The following PRLR variants were observed in gnomAD, a reference collection of about 807,000 sequenced individuals.
PRLR encodes hPRL receptor.
Under a neutral mutation model 40.2 loss-of-function variants are expected in PRLR, and 13 were observed. That is an observed-to-expected ratio of 0.32 (90% CI 0.21 to 0.51). The LOEUF (loss-of-function observed/expected upper bound fraction) is 0.51, where lower values mean the gene tolerates loss of function less well. PRLR is among the 20% of genes least tolerant of loss of function. The pLI is 0.97. For missense variants in PRLR, 656 were observed against 747.3 expected (o/e 0.88, Z 1.42); for synonymous variants, 269 against 278.7 (o/e 0.97, Z 0.35).
At chr5:35,227,640 C>A (rs909407021) in intron 1 of PRLR, among the ~76,000 whole-genome samples, 2 of 152,186 alleles carry the variant, frequency 1.3e-5, no homozygotes, top group African/African-American at 4.8e-5. Flanking sequence ...TATCCAATTT[C>A]CTTTTAAGTT....
intron 8 of PRLR, chr5:35,049,514 A>G: frequency 1.6e-6 from 1 of 623,346 alleles, no homozygotes; most frequent in Non-Finnish European, 2.8e-6. Context: ...GGATTACCAT[A>G]ACATAATATG....
intron 1 of PRLR, among the ~76,000 whole-genome samples, chr5:35,226,886 G>GTCA (rs1223801987): frequency 6.6e-6 from 1 of 152,222 alleles, no homozygotes; most frequent in Admixed American, 6.5e-5. Context: ...TCCCCACTGT[G>GTCA]TCATCAAGTG....
At chr5:35,171,299 G>C (rs1561346573) in intron 1 of PRLR, among the ~76,000 whole-genome samples, 1 of 149,880 alleles carries the variant, frequency 6.7e-6, no homozygotes, top group Non-Finnish European at 1.5e-5. Context: ...TCATCTGAGA[G>C]GTTTTTGGAT....
chr5:35,203,300 C>T (rs922761264), intron 1 of PRLR, among the ~76,000 whole-genome samples: 9 of 152,158 alleles, frequency 5.9e-5, no homozygotes, highest in Non-Finnish European at 1.3e-4. Context: ...GGCTAAACTC[C>T]TTTAGGTACC....
chr5:35,108,339 C>T (rs1772413803), intron 2 of PRLR, among the ~76,000 whole-genome samples: 1 of 152,288 alleles, frequency 6.6e-6, no homozygotes, highest in African/African-American at 2.4e-5. Context: ...TCTCTCACCA[C>T]TCCTATTCAA....
At chr5:35,201,959 C>T (rs780880593) in intron 1 of PRLR, among the ~76,000 whole-genome samples, 5 of 152,140 alleles carry the variant, frequency 3.3e-5, no homozygotes, top group East Asian at 3.8e-4. Context: ...CCAATACCAA[C>T]GTAAGTAGAA....
intron 2 of PRLR, among the ~76,000 whole-genome samples, chr5:35,090,724 C>T (rs763046905): frequency 3.4e-5 from 5 of 145,870 alleles, no homozygotes; most frequent in South Asian, 2.2e-4. Context: ...CCTTGTGGGA[C>T]GTACTCAGAC....
intron 1 of PRLR, among the ~76,000 whole-genome samples, chr5:35,138,893 T>G (rs1461138657): frequency 6.6e-6 from 1 of 152,174 alleles, no homozygotes; most frequent in African/African-American, 2.4e-5. Flanking sequence ...TGCCCAAAAT[T>G]ATAAGATGTA....
chr5:35,068,172 C>A, intron 9 of PRLR, 44 bp downstream of exon 9: 1 of 1,503,924 alleles, frequency 6.6e-7, no homozygotes, highest in Non-Finnish European at 9.3e-7. Context: ...TTAATTACTA[C>A]AGAGCAGTGA....
chr5:35,057,404 T>C lies in PRLR; in HGVS notation c.*7685A>G, dbSNP rs1290365958. ...TTCAAATAAAAAAATAGAGCAAGAG[T>C]AGGTAAGGGAATTAAACATTTATTA... On this transcript the variant is annotated 3_prime_UTR_variant, in exon 10 of 10. Coordinates refer to ENST00000618457, the MANE Select transcript of PRLR (RefSeq NM_000949.7). 1 of 151,894 alleles carries C rather than the reference T, an allele frequency of 6.6e-6. No individual in the cohort carries two copies. Among genetic ancestry groups the C allele is most frequent in the Non-Finnish European group, 1.5e-5 (1 of 67,940 alleles). 9.4% of individuals were successfully genotyped at this position (151,894 alleles called of 1,614,324 possible).
chr5:35,159,608 G>A (rs1774615345), intron 1 of PRLR, among the ~76,000 whole-genome samples: 1 of 152,172 alleles, frequency 6.6e-6, no homozygotes, highest in African/African-American at 2.4e-5. Flanking sequence ...CAGAGCTCAG[G>A]CAGACCCAAG....
At chr5:35,171,875 C>A (rs1437226466) in intron 1 of PRLR, among the ~76,000 whole-genome samples, 1 of 152,078 alleles carries the variant, frequency 6.6e-6, no homozygotes, top group East Asian at 1.9e-4. Flanking sequence ...AGAACCTTTA[C>A]TTTTTGAAAA....
At chr5:35,092,737 A>G (rs934008572) in intron 2 of PRLR, among the ~76,000 whole-genome samples, 7 of 152,170 alleles carry the variant, frequency 4.6e-5, no homozygotes, top group African/African-American at 1.7e-4. Context: ...AGTCAGCCCC[A>G]CACATCCTGG....
At chr5:35,071,141 A>G (rs1291651379) in intron 6 of PRLR, among the ~76,000 whole-genome samples, 2 of 152,202 alleles carry the variant, frequency 1.3e-5, no homozygotes, top group Admixed American at 6.5e-5. Flanking sequence ...CTCTGAATTT[A>G]CCAATTCTTG....
At chr5:35,178,056 C>T (rs1775195054) in intron 1 of PRLR, among the ~76,000 whole-genome samples, 1 of 151,836 alleles carries the variant, frequency 6.6e-6, no homozygotes, top group South Asian at 2.1e-4. Flanking sequence ...TTTGCATTTC[C>T]CTAATTAGTA....
intron 1 of PRLR, among the ~76,000 whole-genome samples, chr5:35,123,735 T>C (rs1487544892): frequency 1.3e-5 from 2 of 152,202 alleles, no homozygotes; most frequent in Non-Finnish European, 2.9e-5. Flanking sequence ...TGAGGTCTTT[T>C]AGAATTTACT....
intron 2 of PRLR, among the ~76,000 whole-genome samples, chr5:35,109,281 C>T (rs1238787145): frequency 6.6e-6 from 1 of 152,172 alleles, no homozygotes; most frequent in African/African-American, 2.4e-5. Context: ...AAAATCTAGG[C>T]AATACCATTC....
intron 1 of PRLR, among the ~76,000 whole-genome samples, chr5:35,211,938 C>A (rs993194974): frequency 6.6e-6 from 1 of 152,190 alleles, no homozygotes; most frequent in African/African-American, 2.4e-5. Flanking sequence ...CAGCCACATT[C>A]ATTCACCTAT....
At position 35,130,062 on chromosome 5, in the gene PRLR, G is replaced by A. The variant is rs556593421; in HGVS notation, c.-105-11940C>T. 7.3e-4 allele frequency among the ~76,000 whole-genome samples: 111 copies of A among 152,244 alleles called. 1 individual carries two copies. Among genetic ancestry groups the A allele is most frequent in the Non-Finnish European group, 4.3e-4 (29 of 68,024 alleles). On this transcript the variant is annotated intron_variant, in intron 1 of 9. Coordinates refer to ENST00000618457, the MANE Select transcript of PRLR (RefSeq NM_000949.7). ...CCTGCTGGGGTTTGCTCCTGGCACC[G>A]AATATCCTCAACTACCAGTCTGTGC...
Sources: gnomAD v4.1 joint callset for allele counts (sites outside exome capture counted in the v4.1 genomes callset) on GRCh38, gnomAD v4.1.1 for gene constraint, MANE v1.5 for transcripts, NCBI Gene and HGNC (gene_info 2026-07-23, HGNC 2026-07-21) for gene names.